Variants in STYXL1 observed in about 807,000 individuals in gnomAD.
STYXL1 encodes the protein serine/threonine/tyrosine interacting like 1.
Under a neutral mutation model 36.4 loss-of-function variants are expected in STYXL1, and 32 were observed. The observed-to-expected ratio is 0.88, with a 90% CI of 0.66 to 1.18. The LOEUF (loss-of-function observed/expected upper bound fraction) is 1.18, where lower values mean the gene tolerates loss of function less well. Among genes scored for constraint, STYXL1 ranks in the 50% most tolerant of loss-of-function variants. The pLI, the probability that STYXL1 is intolerant of heterozygous loss-of-function variation, is 0.00. For missense variants in STYXL1, 354 were observed against 394.1 expected (o/e 0.90, Z 0.86); for synonymous variants, 133 against 144.1 (o/e 0.92, Z 0.55).
chr7:76,024,412 C>T (rs1161570810), intron 3 of STYXL1, among the ~76,000 whole-genome samples: 3 of 151,770 alleles, frequency 2.0e-5, no homozygotes, highest in South Asian at 2.1e-4. Flanking sequence ...TGAGCCCAGG[C>T]GTTCAAGACC....
intron 1 of STYXL1, among the ~76,000 whole-genome samples, chr7:76,036,349 C>T (rs1201948203): frequency 1.3e-5 from 2 of 150,096 alleles, no homozygotes; most frequent in African/African-American, 4.9e-5. Flanking sequence ...GATCTGCCTG[C>T]CTTGGCCTCC....
chr7:76,022,058 C>T, intron 3 of STYXL1, 66 bp from the exon 4 acceptor site: 1 of 1,572,356 alleles, frequency 6.4e-7, no homozygotes, highest in Non-Finnish European at 8.6e-7. Context: ...TGAGCAGAGA[C>T]TCCCTGCATA....
At chr7:76,005,695 C>G (rs1038972225) in intron 5 of STYXL1, among the ~76,000 whole-genome samples, 3 of 152,116 alleles carry the variant, frequency 2.0e-5, no homozygotes, top group Non-Finnish European at 2.9e-5. Context: ...ACAAAGGTTG[C>G]AGTGAGGACG....
intron 1 of STYXL1, among the ~76,000 whole-genome samples, chr7:76,030,967 C>A (rs1477063755): frequency 6.6e-6 from 1 of 151,418 alleles, no homozygotes; most frequent in Non-Finnish European, 1.5e-5. Context: ...TCAAGAGAAG[C>A]CTGGCCAACA....
At chr7:76,034,491 G>T (rs1795726210) in intron 1 of STYXL1, among the ~76,000 whole-genome samples, 1 of 152,136 alleles carries the variant, frequency 6.6e-6, no homozygotes, top group Admixed American at 6.6e-5. Context: ...CCCCTCCCAA[G>T]AAAAAGCACT....
At chr7:75,998,346 G>A (rs1331373561) in intron 8 of STYXL1, among the ~76,000 whole-genome samples, 1 of 149,534 alleles carries the variant, frequency 6.7e-6, no homozygotes, top group Non-Finnish European at 1.5e-5. Context: ...TGCCCAGGCT[G>A]GAGTGCAATT....
Position 75,996,562 on chromosome 7 carries a change from A to G in STYXL1, c.848T>C (p.Met283Thr). Residue 283 changes from methionine to threonine, a missense_variant, in exon 9 of 9, where the codon ATG becomes ACG. Transcript: ENST00000359697. Reference protein sequence around the residue: ...WAYVKKCKNNMCPNRGLVSQL... With the variant: ...WAYVKKCKNNTCPNRGLVSQL... Reference sequence around the variant, plus strand: ...GCTCACCAATCCCCGATTTGGACACATGTTGTTTTTGCACTTCTTGACATA... The same window carrying G: ...GCTCACCAATCCCCGATTTGGACACGTGTTGTTTTTGCACTTCTTGACATA... The G allele has an allele frequency of 6.2e-7, 1 of 1,614,186 alleles. No homozygotes were observed. The highest frequency in any genetic ancestry group is 8.5e-7 in the Non-Finnish European group (1 of 1,180,026).
chr7:76,007,896 C>CAAAAA (rs34975812), intron 5 of STYXL1, among the ~76,000 whole-genome samples: 2 of 107,098 alleles, frequency 1.9e-5, no homozygotes, highest in African/African-American at 6.6e-5. Context: ...GCCTGTCTCT[C>CAAAAA]AAAAAAAAAA....
intron 5 of STYXL1, 61 bp downstream of exon 5, chr7:76,013,681 A>G (rs1026778290): frequency 2.5e-6 from 4 of 1,609,596 alleles, no homozygotes; most frequent in African/African-American, 2.7e-5. Context: ...GTCACCCACA[A>G]GTCAGTTTCT....
At chr7:76,035,289 A>G (rs1034627484) in intron 1 of STYXL1, among the ~76,000 whole-genome samples, 2 of 152,150 alleles carry the variant, frequency 1.3e-5, no homozygotes, top group Non-Finnish European at 2.9e-5. Context: ...TCATCTTCAC[A>G]TAATAGTCCG....
At chr7:76,010,449 G>A (rs1272034675) in intron 5 of STYXL1, among the ~76,000 whole-genome samples, 2 of 152,094 alleles carry the variant, frequency 1.3e-5, no homozygotes, top group African/African-American at 2.4e-5. Context: ...GGCAGGGGAC[G>A]GGTCATGGGC....
chr7:76,000,904 C>T lies in STYXL1; in HGVS notation c.796G>A (p.Glu266Lys), dbSNP rs139694739. ...AIIAYLMHSN[E>K]QTLQRSWAYV... Reference sequence around the variant, plus strand: ...GGAACGCATACCTGCAAGGTCTGCTCGTTACTATGCATGAGGTAGGCTATG... The same window carrying T: ...GGAACGCATACCTGCAAGGTCTGCTTGTTACTATGCATGAGGTAGGCTATG... Residue 266 changes from glutamate (E) to lysine (K), a missense_variant, in exon 8 of 9, where the codon GAG becomes AAG. By Grantham distance (56) the Glu-to-Lys change is moderately conservative (BLOSUM62 1). Coordinates refer to ENST00000359697, the MANE Select transcript of STYXL1 (RefSeq NM_001317785.2). 108 of 1,613,896 alleles carry T rather than the reference C, an allele frequency of 6.7e-5. No homozygotes were observed. In the African/African-American group the frequency reaches 1.3e-3, roughly 19 times the overall value.
intron 3 of STYXL1, among the ~76,000 whole-genome samples, chr7:76,028,277 G>A (rs956310055): frequency 1.3e-5 from 2 of 152,032 alleles, no homozygotes. Flanking sequence ...CAGGTGATCT[G>A]CCCGTCTCAG....
intron 4 of STYXL1, among the ~76,000 whole-genome samples, chr7:76,015,776 T>A (rs1278909332): frequency 6.6e-6 from 1 of 152,130 alleles, no homozygotes; most frequent in East Asian, 1.9e-4. Flanking sequence ...CCAAAGGAGA[T>A]TAACATTTGA....
intron 8 of STYXL1, chr7:76,000,441 G>T (rs1554566561): frequency 2.2e-6 from 1 of 457,098 alleles, no homozygotes; most frequent in Admixed American, 2.3e-5. Context: ...CCTCGAGAAA[G>T]GTGCTGTGAG....
intron 3 of STYXL1, 109 bp downstream of exon 3, chr7:76,028,533 A>G (rs1794975182): frequency 1.9e-6 from 2 of 1,028,864 alleles, no homozygotes; most frequent in East Asian, 2.5e-5. Flanking sequence ...GGCACATAGA[A>G]AACAGTCCTG....
chr7:76,012,746 G>A (rs1021075441), intron 5 of STYXL1, among the ~76,000 whole-genome samples: 3 of 152,032 alleles, frequency 2.0e-5, no homozygotes, highest in Non-Finnish European at 2.9e-5. Context: ...TGCTCAGGCC[G>A]GTCTCAAAGT....
At chr7:75,999,816 G>A (rs1239702156) in intron 8 of STYXL1, among the ~76,000 whole-genome samples, 1 of 152,124 alleles carries the variant, frequency 6.6e-6, no homozygotes, top group Non-Finnish European at 1.5e-5. Context: ...ACAATGCTGG[G>A]ATTACAGGCG....
chr7:76,000,227 A>G lies in STYXL1; in HGVS notation c.810+663T>C, dbSNP rs571135092. On this transcript the variant is annotated intron_variant, in intron 8 of 8. Coordinates refer to ENST00000359697, the MANE Select transcript of STYXL1 (RefSeq NM_001317785.2). Reference sequence around the variant, plus strand: ...GAACAAGACTCCATCTCAAAAAAAAAAAAAAAAAAAAAAAAAGGACTTTCT... The same window carrying G: ...GAACAAGACTCCATCTCAAAAAAAAGAAAAAAAAAAAAAAAAGGACTTTCT... Among the ~76,000 whole-genome samples, 285 of 101,246 alleles carry G rather than the reference A, an allele frequency of 2.8e-3. 3 individuals are homozygous for G. Among genetic ancestry groups the G allele is most frequent in the East Asian group, 0.017 (47 of 2,692 alleles). 66.4% of individuals were successfully genotyped at this position (101,246 alleles called of 152,430 possible). A position where few individuals can be genotyped will look rare whatever the true frequency, so the allele number is the denominator to read the frequency against.
Sources: gnomAD v4.1 joint callset for allele counts (sites outside exome capture counted in the v4.1 genomes callset) on GRCh38, gnomAD v4.1.1 for gene constraint, MANE v1.5 for transcripts, NCBI Gene and HGNC (gene_info 2026-07-23, HGNC 2026-07-21) for gene names.